The following RASSF5 variants were observed in gnomAD, a reference collection of about 807,000 sequenced individuals.
The protein encoded by RASSF5 is Ras association domain family member 5.
A neutral mutation model predicts 40.5 loss-of-function variants in RASSF5; 25 were observed. That is an observed-to-expected ratio of 0.62 (90% CI 0.45 to 0.86). The LOEUF (loss-of-function observed/expected upper bound fraction) is 0.86, where lower values mean the gene tolerates loss of function less well. Among genes scored for constraint, RASSF5 ranks in the 40% least tolerant of loss-of-function variants. The pLI is 0.00. For synonymous variants in RASSF5, 246 were observed against 252.4 expected, an observed-to-expected ratio of 0.97 and a Z score of 0.24; for missense variants, 521 against 572.8, an observed-to-expected ratio of 0.91 and a Z score of 0.92.
chr1:206,549,797 A>G (rs541260377), intron 2 of RASSF5, among the ~76,000 whole-genome samples: 57 of 152,298 alleles, frequency 3.7e-4, no homozygotes, highest in African/African-American at 1.4e-3. Flanking sequence ...CTAATAAATC[A>G]TGAGGTTTTC....
intron 1 of RASSF5, among the ~76,000 whole-genome samples, chr1:206,511,581 G>A (rs536565037): frequency 2.2e-4 from 33 of 152,316 alleles, no homozygotes; most frequent in African/African-American, 7.2e-4. Context: ...TCTCTCCAGA[G>A]GGGGCGTTAT....
At chr1:206,555,677 A>AG in intron 2 of RASSF5, among the ~76,000 whole-genome samples, 1 of 152,316 alleles carries the variant, frequency 6.6e-6, no homozygotes, top group South Asian at 2.1e-4. Flanking sequence ...CAGAGAAGAC[A>AG]GCTACTGGTA....
chr1:206,533,415 C>T (rs1553398207), intron 1 of RASSF5, among the ~76,000 whole-genome samples: 2 of 152,102 alleles, frequency 1.3e-5, no homozygotes, highest in Admixed American at 6.5e-5. Context: ...AGGGAGGGTC[C>T]GTGTTGTGGA....
intron 2 of RASSF5, among the ~76,000 whole-genome samples, chr1:206,546,617 A>G (rs1553400224): frequency 6.6e-6 from 1 of 152,198 alleles, no homozygotes; most frequent in African/African-American, 2.4e-5. Context: ...ATGGGATTAC[A>G]TCCCAATAAA....
intron 2 of RASSF5, among the ~76,000 whole-genome samples, chr1:206,548,472 G>A (rs957290405): frequency 2.0e-5 from 3 of 152,072 alleles, no homozygotes; most frequent in Non-Finnish European, 1.5e-5. Flanking sequence ...ACCATGGGGA[G>A]GGCACCAAGA....
chr1:206,582,499 T>C (rs1406901987), intron 2 of RASSF5, among the ~76,000 whole-genome samples: 14 of 152,204 alleles, frequency 9.2e-5, no homozygotes, highest in Non-Finnish European at 1.8e-4. Flanking sequence ...TACAGACTTC[T>C]GGTTTGTGAG....
chr1:206,558,909 C>T (rs955645259), intron 2 of RASSF5, among the ~76,000 whole-genome samples: 2 of 152,104 alleles, frequency 1.3e-5, no homozygotes, highest in African/African-American at 2.4e-5. Flanking sequence ...TGCAGAACAC[C>T]GTGGCTGCAG....
At chr1:206,522,871 A>G (rs1478535911) in intron 1 of RASSF5, among the ~76,000 whole-genome samples, 1 of 152,212 alleles carries the variant, frequency 6.6e-6, no homozygotes, top group Non-Finnish European at 1.5e-5. Flanking sequence ...ATGAATTAAA[A>G]TTTAAAAAAT....
Position 206,531,278 on chromosome 1 carries a change from T to G in RASSF5, c.458-6894T>G. ...TCTGAATGCTTGCTAGTGAATGGGC[T>G]TCCCAAACTCGGAGCAGGGCCCAGA... On this transcript the variant is annotated intron_variant, in intron 1 of 5. Transcript: ENST00000579436. This position sits in a 1 kb window ranked among gnomAD's most constrained non-coding sequence, Gnocchi z 4.7. 6.6e-6 allele frequency among the ~76,000 whole-genome samples: 1 copy of G among 152,208 alleles called. No homozygotes were observed. Among genetic ancestry groups the G allele is most frequent in the East Asian group, 1.9e-4 (1 of 5,200 alleles).
In RASSF5 at chr1:206,560,495, C is replaced by T. The variant is rs1668108366; in HGVS notation, c.579+22202C>T. Among the ~76,000 whole-genome samples the T allele has an allele frequency of 6.6e-6, 1 of 152,208 alleles. No individual in the cohort carries two copies. The highest frequency in any genetic ancestry group is 2.1e-4 in the South Asian group (1 of 4,830). On this transcript the variant is annotated intron_variant, in intron 2 of 5. Coordinates refer to ENST00000579436, the MANE Select transcript of RASSF5 (RefSeq NM_182663.4). The surrounding 1 kb of genome is among the most constrained non-coding windows in gnomAD (Gnocchi z 5.1). Reference sequence around the variant, plus strand: ...CTCTCTTTTCAGAAAATGGCAGTTTCCTGGGGCCACGTGCCTCCTTTGAGA... The same window carrying T: ...CTCTCTTTTCAGAAAATGGCAGTTTTCTGGGGCCACGTGCCTCCTTTGAGA...
At chr1:206,532,604 A>T (rs969382303) in intron 1 of RASSF5, among the ~76,000 whole-genome samples, 1 of 152,352 alleles carries the variant, frequency 6.6e-6, no homozygotes, top group South Asian at 2.1e-4. Context: ...GAATGCGCAT[A>T]CGTTCCCGGA....
chr1:206,579,085 C>T lies in RASSF5; in HGVS notation c.580-4184C>T, dbSNP rs1273177116. 1.3e-5 allele frequency among the ~76,000 whole-genome samples: 2 copies of T among 152,146 alleles called. No individual in the cohort carries two copies. The highest frequency in any genetic ancestry group is 2.9e-5 in the Non-Finnish European group (2 of 68,034). ...CCAGCCTCTTTACATGGCTGTTCCC[C>T]AATCACCTCCAGAGCTAAAAGAAGA... On this transcript the variant is annotated intron_variant, in intron 2 of 5. Transcript: ENST00000579436. This position sits in a 1 kb window ranked among gnomAD's most constrained non-coding sequence, Gnocchi z 4.2.
rs368228990 is a variant in RASSF5, at chr1:206,579,876, G to A, written c.580-3393G>A. Among the ~76,000 whole-genome samples the A allele has an allele frequency of 5.1e-4, 77 of 152,320 alleles. 1 individual carries two copies. The highest frequency in any genetic ancestry group is 1.7e-3 in the African/African-American group (72 of 41,574). On this transcript the variant is annotated intron_variant, in intron 2 of 5. Transcript: ENST00000579436. The surrounding 1 kb of genome is among the most constrained non-coding windows in gnomAD (Gnocchi z 4.2). ...GTGGCTGGCTGGCCTAATTCAGGAGGTGATTCATTTGGTCCATGGGTCACA... is the reference window on the plus strand; with the variant it reads ...GTGGCTGGCTGGCCTAATTCAGGAGATGATTCATTTGGTCCATGGGTCACA...
intron 2 of RASSF5, among the ~76,000 whole-genome samples, chr1:206,568,469 C>A (rs1202934045): frequency 6.6e-6 from 1 of 152,182 alleles, no homozygotes; most frequent in African/African-American, 2.4e-5. Context: ...AAGTCTCAAG[C>A]TGCCCCTCCC....
At position 206,587,123 on chromosome 1, in the gene RASSF5, C is replaced by T; in HGVS notation, c.*145C>T. The stretch of plus-strand genomic sequence containing the variant: ...GTTCCAGCTGTGGCAAAAGTCTCTT[C>T]CATGGACAAGTGTTTGCACGAGGGT... On this transcript the variant is annotated 3_prime_UTR_variant, in exon 6 of 6. Transcript: ENST00000579436. 1 of 1,048,350 alleles carries T rather than the reference C, an allele frequency of 9.5e-7. No individual in the cohort carries two copies. The highest frequency in any genetic ancestry group is 1.4e-6 in the Non-Finnish European group (1 of 706,820). The allele number at this position is 1,048,350 out of a possible 1,614,324, so 64.9% of individuals were successfully genotyped here. A position where few individuals can be genotyped will look rare whatever the true frequency, so the allele number is the denominator to read the frequency against.
intron 2 of RASSF5, among the ~76,000 whole-genome samples, chr1:206,546,008 TGGCGCGATCTC>T (rs1553400121): frequency 6.7e-6 from 1 of 149,130 alleles, no homozygotes; most frequent in African/African-American, 2.5e-5. Context: ...TGGAGTGCAG[TGGCGCGATCTC>T]GGCTCACGAT....
rs17012161 is a variant in RASSF5 at position 206,579,816 on chromosome 1, T to C, written c.580-3453T>C. ...ACTGGTCTGGATTATACGCCATCTC[T>C]TGGGTGGAAAAAGGATCCGTGAGCC... is the stretch of plus-strand genomic sequence containing the variant. On this transcript the variant is annotated intron_variant, in intron 2 of 5. Transcript: ENST00000579436. This position sits in a 1 kb window ranked among gnomAD's most constrained non-coding sequence, Gnocchi z 4.2. Among the ~76,000 whole-genome samples the C allele has an allele frequency of 0.015, 2,283 of 152,328 alleles. 62 individuals are homozygous for C. Among genetic ancestry groups the C allele is most frequent in the African/African-American group, 0.052 (2,168 of 41,562 alleles).
At chr1:206,578,366 T>C (rs1467146640) in intron 2 of RASSF5, among the ~76,000 whole-genome samples, 2 of 152,116 alleles carry the variant, frequency 1.3e-5, no homozygotes, top group African/African-American at 4.8e-5. Context: ...AAAATGAGCA[T>C]CATAATAGTA....
intron 5 of RASSF5, 48 bp from the exon 6 acceptor site, chr1:206,586,778 C>T: frequency 6.7e-7 from 1 of 1,488,742 alleles, no homozygotes; most frequent in South Asian, 1.2e-5. Context: ...AACTTCTAAC[C>T]TGTCTCCTAT....
Sources: gnomAD v4.1 joint callset for allele counts (sites outside exome capture counted in the v4.1 genomes callset) on GRCh38, gnomAD v4.1.1 for gene constraint, Gnocchi (gnomAD v3.1) non-coding constraint, MANE v1.5 for transcripts, NCBI Gene and HGNC (gene_info 2026-07-23, HGNC 2026-07-21) for gene names.